Variants in GRID2 observed in about 807,000 individuals in gnomAD.
GRID2 encodes the protein glutamate ionotropic receptor delta type subunit 2.
Under a neutral mutation model 114.8 loss-of-function variants are expected in GRID2, and 33 were observed. The ratio of observed to expected loss-of-function variants is 0.29; its 90% CI spans 0.22 to 0.38. The LOEUF (loss-of-function observed/expected upper bound fraction) is 0.38. Among genes scored for constraint, GRID2 ranks in the 10% least tolerant of loss-of-function variants. The probability of loss-of-function intolerance (pLI) is 1.00; values close to 1 mark genes in which losing one functional copy is unlikely to be tolerated. For synonymous variants in GRID2, 505 were observed against 449.9 expected (o/e 1.12, Z -1.55); for missense variants, 1,184 against 1,257.7 (o/e 0.94, Z 0.89).
At chr4:93,747,635 A>G (rs1207230716) in intron 14 of GRID2, among the ~76,000 whole-genome samples, 2 of 152,180 alleles carry the variant, frequency 1.3e-5, no homozygotes, top group Non-Finnish European at 2.9e-5. Flanking sequence ...AATCATATAT[A>G]CACAAAAACT....
intron 8 of GRID2, among the ~76,000 whole-genome samples, chr4:93,264,474 A>G (rs1212442917): frequency 1.3e-5 from 2 of 151,798 alleles, no homozygotes; most frequent in Admixed American, 1.3e-4. Flanking sequence ...TTCCAGCAAA[A>G]CAAGCTATTT....
At chr4:92,918,227 C>T (rs1748983303) in intron 2 of GRID2, among the ~76,000 whole-genome samples, 1 of 152,086 alleles carries the variant, frequency 6.6e-6, no homozygotes, top group Non-Finnish European at 1.5e-5. Context: ...GATGAGGTTG[C>T]CTATCAGCTT....
chr4:92,452,898 T>C (rs1411185243), intron 1 of GRID2, among the ~76,000 whole-genome samples: 1 of 148,060 alleles, frequency 6.8e-6, no homozygotes, highest in African/African-American at 2.5e-5. Flanking sequence ...TTACCATATA[T>C]ATATATGTAT....
At chr4:93,144,159 C>T (rs888906461) in intron 4 of GRID2, among the ~76,000 whole-genome samples, 7 of 152,214 alleles carry the variant, frequency 4.6e-5, no homozygotes, top group South Asian at 4.2e-4. Flanking sequence ...GCTCATATTG[C>T]TGGTCTAGGG....
chr4:93,585,860 T>G (rs1469335097), intron 13 of GRID2, among the ~76,000 whole-genome samples: 5 of 152,156 alleles, frequency 3.3e-5, no homozygotes, highest in Non-Finnish European at 7.4e-5. Context: ...GACTCTCTTG[T>G]ACATGGCATA....
intron 2 of GRID2, among the ~76,000 whole-genome samples, chr4:92,782,308 CT>C (rs1222573703): frequency 6.6e-6 from 1 of 151,936 alleles, no homozygotes; most frequent in Non-Finnish European, 1.5e-5. Context: ...TTTGCTAATG[CT>C]TATTTATTAT....
intron 2 of GRID2, among the ~76,000 whole-genome samples, chr4:92,908,856 A>C (rs1748159967): frequency 6.6e-6 from 1 of 152,172 alleles, no homozygotes; most frequent in Non-Finnish European, 1.5e-5. Context: ...CTTTCCCTTC[A>C]ATTCGTCAGG....
chr4:92,373,145 T>A (rs970544469), intron 1 of GRID2, among the ~76,000 whole-genome samples: 1 of 152,168 alleles, frequency 6.6e-6, no homozygotes, highest in African/African-American at 2.4e-5. Flanking sequence ...CATTGGATAA[T>A]GTCAGGAAGC....
chr4:92,965,230 T>C (rs938951044), intron 2 of GRID2, among the ~76,000 whole-genome samples: 1 of 151,778 alleles, frequency 6.6e-6, no homozygotes, highest in African/African-American at 2.4e-5. Flanking sequence ...CGATTCATTT[T>C]GCCATCTTTT....
chr4:93,174,533 C>A (rs573479896), intron 4 of GRID2, among the ~76,000 whole-genome samples: 1 of 152,054 alleles, frequency 6.6e-6, no homozygotes, highest in African/African-American at 2.4e-5. Flanking sequence ...CTTTAACCCC[C>A]GATATGACTG....
intron 2 of GRID2, among the ~76,000 whole-genome samples, chr4:93,041,508 G>A (rs1051823995): frequency 6.6e-6 from 1 of 152,100 alleles, no homozygotes; most frequent in African/African-American, 2.4e-5. Flanking sequence ...TTGAGTTGTA[G>A]TTAAACTCAT....
At chr4:93,591,177 A>C (rs1435006364) in intron 13 of GRID2, among the ~76,000 whole-genome samples, 4 of 148,696 alleles carry the variant, frequency 2.7e-5, no homozygotes, top group Non-Finnish European at 6.0e-5. Context: ...ATTCAGTATG[A>C]TATTGGCTGT....
At chr4:93,476,124 T>C (rs1373206245) in intron 11 of GRID2, among the ~76,000 whole-genome samples, 4 of 152,198 alleles carry the variant, frequency 2.6e-5, no homozygotes, top group Non-Finnish European at 5.9e-5. Flanking sequence ...AATCATACTA[T>C]ATTCCTTATT....
intron 11 of GRID2, among the ~76,000 whole-genome samples, chr4:93,461,241 T>A (rs1260985283): frequency 1.3e-5 from 2 of 152,178 alleles, no homozygotes; most frequent in Non-Finnish European, 2.9e-5. Context: ...GAAAAGCTGC[T>A]ATTCTTCCAC....
intron 13 of GRID2, among the ~76,000 whole-genome samples, chr4:93,516,423 G>A (rs562185041): frequency 6.6e-6 from 1 of 152,198 alleles, no homozygotes; most frequent in African/African-American, 2.4e-5. Context: ...TCAACATATT[G>A]ATATCATTCT....
rs767320278 is a variant in GRID2 at position 92,709,572 on chromosome 4, GAA to G, written c.244+119303_244+119304del. ...GTGAGGTTCCTCAAAATAGTGTAGA[GAA>G]AAAAAAAAAAAAAAAATATATATAT... is the stretch of plus-strand genomic sequence containing the variant. On this transcript the variant is annotated intron_variant, in intron 2 of 15. Coordinates refer to ENST00000282020, the MANE Select transcript of GRID2 (RefSeq NM_001510.4). Among the ~76,000 whole-genome samples the G allele has an allele frequency of 2.7e-3, 273 of 101,042 alleles. 1 individual carries two copies. Among genetic ancestry groups the G allele is most frequent in the African/African-American group, 7.9e-3 (219 of 27,704 alleles). 66.3% of individuals were successfully genotyped at this position (101,042 alleles called of 152,430 possible).
chr4:92,625,058 C>T (rs189336975), intron 2 of GRID2, among the ~76,000 whole-genome samples: 100 of 151,594 alleles, frequency 6.6e-4, no homozygotes, highest in African/African-American at 2.3e-3. Context: ...TCTTTATATG[C>T]TAAAAAGCCT....
intron 2 of GRID2, among the ~76,000 whole-genome samples, chr4:93,014,743 G>A (rs1408013032): frequency 4.6e-5 from 7 of 152,120 alleles, no homozygotes; most frequent in Admixed American, 3.3e-4. Context: ...TGACTAATGG[G>A]TCACTTGGAA....
At chr4:93,596,612 G>A (rs975530295) in intron 13 of GRID2, among the ~76,000 whole-genome samples, 2 of 151,998 alleles carry the variant, frequency 1.3e-5, no homozygotes, top group African/African-American at 2.4e-5. Context: ...GAAAAGAAAG[G>A]CTACTTGAGA....
Sources: gnomAD v4.1 joint callset for allele counts (sites outside exome capture counted in the v4.1 genomes callset) on GRCh38, gnomAD v4.1.1 for gene constraint, MANE v1.5 for transcripts, NCBI Gene and HGNC (gene_info 2026-07-23, HGNC 2026-07-21) for gene names.